Variants in SGCZ observed in about 807,000 individuals in gnomAD.
SGCZ encodes zeta-sarcoglycan.
A neutral mutation model predicts 41.3 loss-of-function variants in SGCZ; 40 were observed. The observed-to-expected ratio is 0.97, with a 90% confidence interval of 0.75 to 1.26. SGCZ has a LOEUF of 1.26. SGCZ is among the 50% of genes most tolerant of loss of function. SGCZ has a pLI of 0.00. For synonymous variants in SGCZ, 206 were observed against 137.5 expected (o/e 1.50, Z -3.49); for missense variants, 552 against 369.8 (o/e 1.49, Z -4.04).
rs546111419 is a variant in SGCZ, at chr8:14,471,398, T to C, written c.234+83334A>G. Among the ~76,000 whole-genome samples, 59 of 152,232 alleles carry C rather than the reference T, an allele frequency of 3.9e-4. 1 individual carries two copies. The highest frequency in any genetic ancestry group is 1.3e-3 in the African/African-American group (56 of 41,556). On this transcript the variant is annotated intron_variant, in intron 2 of 7. Transcript: ENST00000382080. ...GCTCATTAAACACCTGTAATATGTA[T>C]GCCACTTTTCTGATAACAGCCACAC...
intron 5 of SGCZ, among the ~76,000 whole-genome samples, chr8:14,151,448 AG>A (rs1803707023): frequency 8.8e-6 from 1 of 114,234 alleles, no homozygotes. Context: ...AAAAAAACTA[AG>A]TAAGTGAAAA....
intron 1 of SGCZ, among the ~76,000 whole-genome samples, chr8:15,150,807 G>A (rs1342961942): frequency 6.6e-6 from 1 of 152,164 alleles, no homozygotes. Context: ...TTTAAGCTAA[G>A]GCTGTGGTTT....
chr8:14,602,621 ATC>A, intron 1 of SGCZ, among the ~76,000 whole-genome samples: 1 of 152,194 alleles, frequency 6.6e-6, no homozygotes, highest in East Asian at 1.9e-4. Flanking sequence ...TTAAAATATC[ATC>A]TGTCTTTCAA....
In SGCZ at chr8:15,237,096, G is replaced by A. The variant is rs528668793; in HGVS notation, c.39+489C>T. Among the ~76,000 whole-genome samples, 3 of 152,366 alleles carry A rather than the reference G, an allele frequency of 2.0e-5. No homozygotes were observed. The South Asian group carries it at 6.2e-4, about 32-fold the overall frequency. On this transcript the variant is annotated intron_variant, in intron 1 of 7. Coordinates refer to ENST00000382080, the MANE Select transcript of SGCZ (RefSeq NM_139167.4). ...ATAAAAACGGGCTGTCGTTGCAGAT[G>A]CCTCTGTCACGCGAATCTCCGAGCG...
At chr8:14,722,289 C>G (rs904000982) in intron 1 of SGCZ, among the ~76,000 whole-genome samples, 1 of 151,990 alleles carries the variant, frequency 6.6e-6, no homozygotes, top group African/African-American at 2.4e-5. Context: ...AGGAGAGAAA[C>G]AGTATTTCTT....
chr8:15,020,492 G>T (rs1029872940), intron 1 of SGCZ, among the ~76,000 whole-genome samples: 4 of 152,084 alleles, frequency 2.6e-5, no homozygotes, highest in Non-Finnish European at 4.4e-5. Context: ...TATGCATACT[G>T]TCAATGCGGC....
intron 5 of SGCZ, among the ~76,000 whole-genome samples, chr8:14,123,608 T>A (rs544849825): frequency 5.3e-5 from 8 of 152,290 alleles, no homozygotes; most frequent in African/African-American, 1.9e-4. Context: ...TCTGTAGCAA[T>A]GCAAAAACAG....
chr8:14,725,092 C>G (rs1366026121), intron 1 of SGCZ, among the ~76,000 whole-genome samples: 1 of 152,128 alleles, frequency 6.6e-6, no homozygotes, highest in Non-Finnish European at 1.5e-5. Flanking sequence ...AGTGAGAACA[C>G]ACAGTATTTG....
intron 3 of SGCZ, among the ~76,000 whole-genome samples, chr8:14,292,778 A>G (rs969286110): frequency 2.6e-5 from 4 of 151,960 alleles, no homozygotes; most frequent in Non-Finnish European, 5.9e-5. Context: ...AATAACACCA[A>G]TATCACTAGG....
intron 7 of SGCZ, among the ~76,000 whole-genome samples, chr8:14,091,335 C>T (rs889116864): frequency 6.6e-6 from 1 of 151,806 alleles, no homozygotes; most frequent in Non-Finnish European, 1.5e-5. Context: ...GATTTATAAT[C>T]CTTTGGGTAT....
intron 2 of SGCZ, among the ~76,000 whole-genome samples, chr8:14,438,263 CTTATT>C (rs1800148590): frequency 6.6e-6 from 1 of 151,892 alleles, no homozygotes. Context: ...ATGGAATTCT[CTTATT>C]TTATATATTC....
chr8:14,981,322 T>C (rs370522635), intron 1 of SGCZ, among the ~76,000 whole-genome samples: 4 of 152,170 alleles, frequency 2.6e-5, no homozygotes, highest in Non-Finnish European at 4.4e-5. Flanking sequence ...ACTGAATACG[T>C]TGTCTTTTCA....
chr8:14,203,651 C>T (rs193289314), intron 4 of SGCZ, among the ~76,000 whole-genome samples: 188 of 152,292 alleles, frequency 1.2e-3, no homozygotes, highest in Admixed American at 2.0e-3. Context: ...GTGAAGGTCA[C>T]TGGAGGTGAG....
chr8:14,503,702 A>C (rs886440103), intron 2 of SGCZ, among the ~76,000 whole-genome samples: 14 of 152,070 alleles, frequency 9.2e-5, no homozygotes, highest in African/African-American at 3.1e-4. Flanking sequence ...TGGGAGGTGG[A>C]GGTTGCAGTG....
intron 5 of SGCZ, among the ~76,000 whole-genome samples, chr8:14,124,021 T>C (rs913915157): frequency 3.3e-5 from 5 of 152,108 alleles, no homozygotes; most frequent in African/African-American, 7.2e-5. Flanking sequence ...TGAGGGTCTT[T>C]AGGAGCTGGA....
chr8:14,180,837 A>T (rs1362981755), intron 4 of SGCZ, among the ~76,000 whole-genome samples: 1 of 151,742 alleles, frequency 6.6e-6, no homozygotes, highest in Non-Finnish European at 1.5e-5. Context: ...TGGCTATGTG[A>T]ACCTGAATTT....
chr8:14,307,175 A>G (rs1351330715), intron 3 of SGCZ, among the ~76,000 whole-genome samples: 3 of 152,176 alleles, frequency 2.0e-5, no homozygotes, highest in Non-Finnish European at 4.4e-5. Context: ...GACACATGAA[A>G]AAATAGGACA....
chr8:15,028,008 T>C (rs1252056232), intron 1 of SGCZ, among the ~76,000 whole-genome samples: 2 of 152,044 alleles, frequency 1.3e-5, no homozygotes, highest in African/African-American at 4.8e-5. Flanking sequence ...TAAAGACACA[T>C]AACTAGTAAG....
At chr8:14,283,051 G>A (rs4831573) in intron 3 of SGCZ, among the ~76,000 whole-genome samples, 103,066 of 149,968 alleles carry the variant, frequency 0.69, 35,640 homozygotes, top group Admixed American at 0.72. Flanking sequence ...GGGTTTCACC[G>A]TGTTAGCCAG....
Sources: allele counts gnomAD v4.1 joint callset (sites outside exome capture counted in the v4.1 genomes callset), GRCh38; gene constraint gnomAD v4.1.1; transcripts MANE v1.5; gene names NCBI Gene and HGNC (gene_info 2026-07-23, HGNC 2026-07-21).